The following DNAH12 variants were observed in gnomAD, a reference collection of about 807,000 sequenced individuals.
The protein encoded by DNAH12 is dynein axonemal heavy chain 12.
DNAH12 carries 285 observed loss-of-function variants against 371.5 expected under a neutral mutation model. That is an observed-to-expected ratio of 0.77 (90% CI 0.70 to 0.85). DNAH12 has a LOEUF of 0.85. Ranked by LOEUF, DNAH12 falls within the 40% of genes least tolerant of loss-of-function variation. The pLI, the probability that DNAH12 is intolerant of heterozygous loss-of-function variation, is 0.00. For missense variants in DNAH12, 3,611 were observed against 3,689.4 expected (o/e 0.98, Z 0.55); for synonymous variants, 1,200 against 1,213.0 (o/e 0.99, Z 0.22).
chr3:57,453,357 A>G lies in DNAH12; in HGVS notation c.3503T>C (p.Ile1168Thr), dbSNP rs1044624633. ...CAACTTTCCTCTTACCAGCTCTACA[A>G]TCTCATTCAGTTGGTTCTGAAGTTC... is the stretch of plus-strand genomic sequence containing the variant. ...YKELQNQLNE[I>T]VELVRGKLSK... The change falls in exon 24 of 74, where the codon ATT (isoleucine) becomes ACT (threonine). Residue 1168 changes from isoleucine to threonine, a missense_variant. Physicochemically the swap from Ile to Thr is moderately conservative, Grantham distance 89. This residue lies in a region of DNAH12 where 1,314 missense variants were observed against 1,398.7 expected (regional missense o/e 0.94). Transcript: ENST00000495027. 19 of 1,550,682 alleles carry G rather than the reference A, an allele frequency of 1.2e-5. No individual in the cohort carries two copies. The highest frequency in any genetic ancestry group is 1.2e-4 in the East Asian group (5 of 40,862).
intron 69 of DNAH12, among the ~76,000 whole-genome samples, chr3:57,302,529 G>GTTCATATATA (rs879293648): frequency 6.5e-4 from 31 of 47,852 alleles, no homozygotes; most frequent in African/African-American, 2.5e-3. Flanking sequence ...GGCATCAGGT[G>GTTCATATATA]TATATATATA....
At position 57,293,880 on chromosome 3, in the gene DNAH12, A is replaced by C; in HGVS notation, c.11784T>G (p.His3928Gln). 1 of 1,550,206 alleles carries C rather than the reference A, an allele frequency of 6.5e-7. No homozygotes were observed. The highest frequency in any genetic ancestry group is 8.7e-7 in the Non-Finnish European group (1 of 1,146,286). The change falls in exon 74 of 74, where the codon CAT becomes CAG. Residue 3928 changes from histidine to glutamine, a missense_variant. His to Gln is a conservative substitution (Grantham distance 24, BLOSUM62 0). Transcript: ENST00000495027. ...ERKGTLSTTGHSTNFVIAMLL... is the reference protein window; with the variant it reads ...ERKGTLSTTGQSTNFVIAMLL... ...ACATTGCAATGACAAAGTTAGTAGAATGTCCCGTAGTGGAAAGAGTTCCTT... is the reference window on the plus strand; with the variant it reads ...ACATTGCAATGACAAAGTTAGTAGACTGTCCCGTAGTGGAAAGAGTTCCTT...
chr3:57,549,592 T>C, the DNAH12 span, among the ~76,000 whole-genome samples: 1 of 152,140 alleles, frequency 6.6e-6, no homozygotes, highest in African/African-American at 2.4e-5. Flanking sequence ...TCTTTTGCAA[T>C]TTACTCAAAA....
chr3:57,554,537 TC>T, the DNAH12 span, among the ~76,000 whole-genome samples: 1 of 152,132 alleles, frequency 6.6e-6, no homozygotes, highest in Non-Finnish European at 1.5e-5. Context: ...TCTGCTACTC[TC>T]CCCTGGTCTC....
At chr3:57,306,019 G>A (rs550209297) in intron 69 of DNAH12, among the ~76,000 whole-genome samples, 2 of 152,256 alleles carry the variant, frequency 1.3e-5, no homozygotes, top group South Asian at 2.1e-4. Context: ...CATAAGCCAC[G>A]TCCCATCTGT....
At chr3:57,511,905 A>G (rs1399623575) in intron 4 of DNAH12, among the ~76,000 whole-genome samples, 2 of 152,168 alleles carry the variant, frequency 1.3e-5, no homozygotes, top group Non-Finnish European at 2.9e-5. Context: ...TCCACCATAC[A>G]TAAGAACAAA....
intron 37 of DNAH12, 78 bp downstream of exon 37, chr3:57,419,289 A>G (rs1406863324): frequency 7.4e-7 from 1 of 1,353,912 alleles, no homozygotes; most frequent in African/African-American, 1.6e-5. Flanking sequence ...ATGATCTCGA[A>G]TACTTCAAAA....
chr3:57,520,974 G>T (rs1210823242), intron 4 of DNAH12, among the ~76,000 whole-genome samples: 1 of 146,264 alleles, frequency 6.8e-6, no homozygotes, highest in Admixed American at 7.2e-5. Flanking sequence ...TGAGGCAGGA[G>T]AATTGCTTGA....
the DNAH12 span, among the ~76,000 whole-genome samples, chr3:57,553,190 A>G: frequency 0.014 from 2,096 of 152,286 alleles, 52 homozygotes; most frequent in African/African-American, 0.048. Context: ...AAAATAAATA[A>G]ATAAAGAGCA....
intron 49 of DNAH12, among the ~76,000 whole-genome samples, chr3:57,383,702 G>A (rs1299778514): frequency 6.6e-6 from 1 of 150,474 alleles, no homozygotes; most frequent in East Asian, 1.9e-4. Flanking sequence ...TCAGGTTGTG[G>A]TGAGCTATGA....
chr3:57,351,975 T>C (rs559437058), intron 60 of DNAH12, 110 bp downstream of exon 60: 18 of 1,123,618 alleles, frequency 1.6e-5, no homozygotes, highest in Non-Finnish European at 7.3e-6. Context: ...AGTAAAATCA[T>C]GACTTAAGCG....
chr3:57,418,186 T>G (rs2064441441), intron 37 of DNAH12, among the ~76,000 whole-genome samples: 1 of 150,996 alleles, frequency 6.6e-6, no homozygotes, highest in Non-Finnish European at 1.5e-5. Flanking sequence ...AATAAATATA[T>G]ATATGGTTTA....
intron 11 of DNAH12, among the ~76,000 whole-genome samples, chr3:57,493,118 T>G (rs1005593809): frequency 1.3e-5 from 2 of 152,216 alleles, no homozygotes; most frequent in African/African-American, 4.8e-5. Flanking sequence ...AAAAATTTAG[T>G]TGGTAATTCA....
At chr3:57,456,190 A>T (rs1412247130) in intron 22 of DNAH12, among the ~76,000 whole-genome samples, 1 of 152,248 alleles carries the variant, frequency 6.6e-6, no homozygotes, top group Non-Finnish European at 1.5e-5. Flanking sequence ...TTCATGGACA[A>T]TGGTGGCTCT....
rs1010954391 is a variant in DNAH12 at position 57,301,707 on chromosome 3, C to T, written c.11394+28G>A. 39 of 1,520,846 alleles carry T rather than the reference C, an allele frequency of 2.6e-5. 3 individuals carry two copies. The highest frequency in any genetic ancestry group is 3.6e-5 in the South Asian group (3 of 83,244). The allele number at this position is 1,520,846 out of a possible 1,614,324, so 94.2% of individuals were successfully genotyped here. A position where few individuals can be genotyped will look rare whatever the true frequency, so the allele number is the denominator to read the frequency against. On this transcript the variant is annotated intron_variant, in intron 70 of 73. Coordinates refer to ENST00000495027, the MANE Select transcript of DNAH12 (RefSeq NM_001366028.2). ...ACACACACACACACACACACACACACACACACACACACACACACACATTTT... is the reference window on the plus strand; with the variant it reads ...ACACACACACACACACACACACACATACACACACACACACACACACATTTT...
At chr3:57,403,084 T>C (rs2063918978) in intron 43 of DNAH12, among the ~76,000 whole-genome samples, 1 of 152,284 alleles carries the variant, frequency 6.6e-6, no homozygotes, top group Non-Finnish European at 1.5e-5. Context: ...ACCTGCTGCA[T>C]TGCATTGCTG....
chr3:57,426,243 G>C (rs1370043559), intron 34 of DNAH12, among the ~76,000 whole-genome samples: 1 of 152,128 alleles, frequency 6.6e-6, no homozygotes. Flanking sequence ...ATACACAAGA[G>C]TCAGATCCTA....
chr3:57,464,034 A>G (rs1240792316), intron 17 of DNAH12, among the ~76,000 whole-genome samples: 1 of 152,036 alleles, frequency 6.6e-6, no homozygotes, highest in Non-Finnish European at 1.5e-5. Flanking sequence ...TCTGTCTGGT[A>G]CCAAGAGGGC....
chr3:57,327,230 C>T (rs997308057), intron 62 of DNAH12, among the ~76,000 whole-genome samples: 16 of 152,244 alleles, frequency 1.1e-4, no homozygotes, highest in Middle Eastern at 3.4e-3. Flanking sequence ...CTACAGAACT[C>T]GCCACCCCAA....
Sources: allele counts gnomAD v4.1 joint callset (sites outside exome capture counted in the v4.1 genomes callset), GRCh38; gene constraint gnomAD v4.1.1; regional missense constraint gnomAD v4.1.1; transcripts MANE v1.5; gene names NCBI Gene and HGNC (gene_info 2026-07-23, HGNC 2026-07-21).